PTPRN2: variants seen among roughly 807,000 people sequenced by gnomAD.
PTPRN2 encodes the protein receptor-type tyrosine-protein phosphatase N2.
In PTPRN2, 74 loss-of-function variants were observed where a neutral mutation model predicts 118.8. The observed-to-expected ratio is 0.62, with a 90% confidence interval of 0.52 to 0.76. The LOEUF (loss-of-function observed/expected upper bound fraction) is 0.76, where lower values mean the gene tolerates loss of function less well. PTPRN2 is among the 30% of genes least tolerant of loss of function. The pLI is 0.00. For missense variants in PTPRN2, 1,481 were observed against 1,394.4 expected (o/e 1.06, Z -0.99); for synonymous variants, 641 against 608.0 (o/e 1.05, Z -0.80).
chr7:157,991,530 G>A (rs755991924), intron 11 of PTPRN2, among the ~76,000 whole-genome samples: 1 of 152,246 alleles, frequency 6.6e-6, no homozygotes, highest in African/African-American at 2.4e-5. Flanking sequence ...GCAGGGCACA[G>A]AAACTCAGGG....
chr7:158,144,732 C>A (rs1411269194), intron 6 of PTPRN2, among the ~76,000 whole-genome samples: 5 of 152,232 alleles, frequency 3.3e-5, no homozygotes, highest in Non-Finnish European at 7.3e-5. Context: ...TCTCCCACCA[C>A]CCCGAGGGAA....
intron 1 of PTPRN2, among the ~76,000 whole-genome samples, chr7:158,576,876 A>G (rs1038777972): frequency 7.7e-5 from 11 of 143,510 alleles, no homozygotes; most frequent in Non-Finnish European, 1.2e-4. Context: ...TGCCACAGAC[A>G]GCATGGGGCC....
At chr7:158,352,637 T>C (rs1216827689) in intron 2 of PTPRN2, among the ~76,000 whole-genome samples, 1 of 152,160 alleles carries the variant, frequency 6.6e-6, no homozygotes, top group Admixed American at 6.5e-5. Flanking sequence ...CCCACACATT[T>C]CAGAGAGGCG....
At chr7:158,131,221 TAC>T (rs537284694) in intron 9 of PTPRN2, among the ~76,000 whole-genome samples, 13 of 150,032 alleles carry the variant, frequency 8.7e-5, no homozygotes, top group African/African-American at 2.7e-4. Flanking sequence ...CACACGTACA[TAC>T]ACACACACCC....
At chr7:158,094,350 C>T (rs1814450135) in intron 10 of PTPRN2, among the ~76,000 whole-genome samples, 1 of 152,146 alleles carries the variant, frequency 6.6e-6, no homozygotes, top group African/African-American at 2.4e-5. Flanking sequence ...CGCACTGTCA[C>T]CCAGGCTGCA....
intron 12 of PTPRN2, among the ~76,000 whole-genome samples, chr7:157,846,832 G>A (rs533174261): frequency 5.9e-5 from 9 of 151,494 alleles, no homozygotes; most frequent in East Asian, 2.0e-4. Context: ...TCCATCATGC[G>A]TGCCCGATGT....
At chr7:158,385,028 G>C (rs947562046) in intron 2 of PTPRN2, among the ~76,000 whole-genome samples, 9 of 152,166 alleles carry the variant, frequency 5.9e-5, no homozygotes, top group Admixed American at 3.9e-4. Flanking sequence ...TTGCTGGTGT[G>C]ACTTCCATTC....
chr7:158,416,050 CTT>C (rs1814631879), intron 2 of PTPRN2, among the ~76,000 whole-genome samples: 1 of 152,226 alleles, frequency 6.6e-6, no homozygotes, highest in African/African-American at 2.4e-5. Flanking sequence ...CCACATCCAC[CTT>C]TGGTGTTGGT....
intron 11 of PTPRN2, among the ~76,000 whole-genome samples, chr7:158,021,474 G>A (rs546574358): frequency 1.3e-5 from 2 of 151,944 alleles, no homozygotes; most frequent in East Asian, 1.9e-4. Flanking sequence ...ATGCACCCAC[G>A]CACACGCACA....
At chr7:158,431,725 A>G (rs1198591595) in intron 2 of PTPRN2, among the ~76,000 whole-genome samples, 1 of 146,488 alleles carries the variant, frequency 6.8e-6, no homozygotes, top group Admixed American at 6.7e-5. Context: ...ACTGGCTCAC[A>G]CTGGCTCACA....
intron 12 of PTPRN2, among the ~76,000 whole-genome samples, chr7:157,824,754 C>A (rs969481432): frequency 6.6e-6 from 1 of 152,152 alleles, no homozygotes; most frequent in Non-Finnish European, 1.5e-5. Flanking sequence ...ACTGCAGTGA[C>A]CCCCAACTAG....
chr7:157,952,164 G>C (rs1800854040), intron 11 of PTPRN2, among the ~76,000 whole-genome samples: 1 of 152,212 alleles, frequency 6.6e-6, no homozygotes, highest in Non-Finnish European at 1.5e-5. Context: ...TGGGCAGGGA[G>C]TCCAGGCCCT....
intron 12 of PTPRN2, among the ~76,000 whole-genome samples, chr7:157,742,055 A>C (rs1018059209): frequency 2.0e-5 from 3 of 152,220 alleles, no homozygotes; most frequent in African/African-American, 7.2e-5. Flanking sequence ...AAACACCTAA[A>C]TAATCCAGCA....
chr7:157,729,019 G>C lies in PTPRN2; in HGVS notation c.1789-46082C>G, dbSNP rs1799746313. Among the ~76,000 whole-genome samples, 2 of 152,230 alleles carry C rather than the reference G, an allele frequency of 1.3e-5. No homozygotes were observed. The highest frequency in any genetic ancestry group is 2.1e-4 in the South Asian group (1 of 4,828). On this transcript the variant is annotated intron_variant, in intron 12 of 22. Coordinates refer to ENST00000389418, the MANE Select transcript of PTPRN2 (RefSeq NM_002847.5). This position sits in a 1 kb window ranked among gnomAD's most constrained non-coding sequence, Gnocchi z 4.3. ...TTGGCTCACGTGATCCAGTCACACAGAGGTCGGTCGTTGTCTGGACACAGA... is the reference window on the plus strand; with the variant it reads ...TTGGCTCACGTGATCCAGTCACACACAGGTCGGTCGTTGTCTGGACACAGA...
rs751389542 is a variant in PTPRN2 at position 157,596,999 on chromosome 7, G to C, written c.2419-1684C>G. ...CATTTGGGAAGCTGACGTGGGGCACGTTTTCTTTAACAGCGAGCCAGTGAG... is the reference window on the plus strand; with the variant it reads ...CATTTGGGAAGCTGACGTGGGGCACCTTTTCTTTAACAGCGAGCCAGTGAG... On this transcript the variant is annotated intron_variant, in intron 16 of 22. Coordinates refer to ENST00000389418, the MANE Select transcript of PTPRN2 (RefSeq NM_002847.5). This position sits in a 1 kb window ranked among gnomAD's most constrained non-coding sequence, Gnocchi z 4.2. Among the ~76,000 whole-genome samples, 1 of 152,156 alleles carries C rather than the reference G, an allele frequency of 6.6e-6. No individual in the cohort carries two copies. The highest frequency in any genetic ancestry group is 1.5e-5 in the Non-Finnish European group (1 of 68,034).
intron 12 of PTPRN2, chr7:157,862,846 T>TGC (rs879867229): frequency 0.023 from 3,538 of 152,254 alleles, 178 homozygotes; most frequent in African/African-American, 0.077. Flanking sequence ...CGGCGAGGTG[T>TGC]GCGGGAAGCG....
intron 3 of PTPRN2, among the ~76,000 whole-genome samples, chr7:158,273,572 A>T (rs921417032): frequency 0.011 from 536 of 47,876 alleles, 84 homozygotes; most frequent in African/African-American, 0.065. Context: ...CCGCAGGCAC[A>T]GGGGGAGCCG....
chr7:158,096,574 G>A (rs1563429090), intron 10 of PTPRN2, among the ~76,000 whole-genome samples: 2 of 152,164 alleles, frequency 1.3e-5, no homozygotes, highest in South Asian at 2.1e-4. Context: ...GAGTTTTGAC[G>A]TACTGTGACA....
At chr7:158,186,215 A>C (rs1433463977) in intron 5 of PTPRN2, among the ~76,000 whole-genome samples, 2 of 152,172 alleles carry the variant, frequency 1.3e-5, no homozygotes, top group Admixed American at 6.5e-5. Flanking sequence ...ATGCGCATGA[A>C]AGAAGCTGTG....
Sources: allele counts gnomAD v4.1 joint callset (sites outside exome capture counted in the v4.1 genomes callset), GRCh38; gene constraint gnomAD v4.1.1; non-coding constraint Gnocchi (gnomAD v3.1); transcripts MANE v1.5; gene names NCBI Gene and HGNC (gene_info 2026-07-23, HGNC 2026-07-21).